The following PCDHGA12 variants were observed in gnomAD, a reference collection of about 807,000 sequenced individuals.
The protein encoded by PCDHGA12 is protocadherin gamma-A12.
A neutral mutation model predicts 61.1 loss-of-function variants in PCDHGA12; 43 were observed. The observed-to-expected ratio is 0.70, with a 90% CI of 0.55 to 0.91. The LOEUF is 0.91. Among genes scored for constraint, PCDHGA12 ranks in the 40% least tolerant of loss-of-function variants. The pLI is 0.00. For missense variants in PCDHGA12, 1,236 were observed against 1,227.7 expected (o/e 1.01, Z -0.10); for synonymous variants, 520 against 542.9 (o/e 0.96, Z 0.59).
intron 1 of PCDHGA12, among the ~76,000 whole-genome samples, chr5:141,469,568 T>C (rs942597017): frequency 6.6e-6 from 1 of 152,184 alleles, no homozygotes. Flanking sequence ...AGTGAGACTC[T>C]GTCTCTAAAT....
At chr5:141,500,182 ATT>A (rs1199992745) in intron 2 of PCDHGA12, among the ~76,000 whole-genome samples, 2 of 131,622 alleles carry the variant, frequency 1.5e-5, no homozygotes, top group African/African-American at 3.1e-5. Flanking sequence ...CTTCATTTTT[ATT>A]TTTATTTATT....
chr5:141,482,288 C>G (rs1413786764), intron 1 of PCDHGA12, among the ~76,000 whole-genome samples: 1 of 152,078 alleles, frequency 6.6e-6, no homozygotes, highest in Non-Finnish European at 1.5e-5. Context: ...GTCTTTTAAT[C>G]TCTTTAAACT....
rs570379716 is a variant in PCDHGA12 at position 141,452,090 on chromosome 5, G to A, written c.2424+18907G>A. Among the ~76,000 whole-genome samples, 3 of 152,256 alleles carry A rather than the reference G, an allele frequency of 2.0e-5. No individual in the cohort carries two copies. The South Asian group carries it at 6.2e-4, about 32-fold the overall frequency. On this transcript the variant is annotated intron_variant, in intron 1 of 3. Coordinates refer to ENST00000252085, the MANE Select transcript of PCDHGA12 (RefSeq NM_003735.3). The stretch of plus-strand genomic sequence containing the variant: ...TTTATTAGTTGGCATTATACAGTAA[G>A]AAAGAGCTTTCTTTTCTCTTCTTAT...
At position 141,477,677 on chromosome 5, in the gene PCDHGA12, TC is replaced by T; in HGVS notation, c.2425-17128del. On this transcript the variant is annotated intron_variant, in intron 1 of 3. Transcript: ENST00000252085. This position sits in a 1 kb window ranked among gnomAD's most constrained non-coding sequence, Gnocchi z 4.9. ...AAATCGTGACAATGGCATAGTGTCA[TC>T]CTTAGTGCCCCTAGACTATGAGGAT... 1 of 1,614,174 alleles carries T rather than the reference TC, an allele frequency of 6.2e-7. No homozygotes were observed. The highest frequency in any genetic ancestry group is 8.5e-7 in the Non-Finnish European group (1 of 1,180,038).
Position 141,512,495 on chromosome 5 carries a change from C to T in PCDHGA12, c.*1322C>T, listed in dbSNP as rs2099884264. 1 of 152,920 alleles carries T rather than the reference C, an allele frequency of 6.5e-6. No homozygotes were observed. The highest frequency in any genetic ancestry group is 1.5e-5 in the Non-Finnish European group (1 of 68,240). The allele number at this position is 152,920 out of a possible 1,614,324, so 9.5% of individuals were successfully genotyped here. A position where few individuals can be genotyped will look rare whatever the true frequency, so the allele number is the denominator to read the frequency against. On this transcript the variant is annotated 3_prime_UTR_variant, in exon 4 of 4. Coordinates refer to ENST00000252085, the MANE Select transcript of PCDHGA12 (RefSeq NM_003735.3). ...TTCCGTGAAGGCCACTGCCCAGGTCCCCAGTGCGCCCCCTAGTGGCCATAG... is the reference window on the plus strand; with the variant it reads ...TTCCGTGAAGGCCACTGCCCAGGTCTCCAGTGCGCCCCCTAGTGGCCATAG...
At chr5:141,450,129 C>T (rs1211301953) in intron 1 of PCDHGA12, among the ~76,000 whole-genome samples, 1 of 151,472 alleles carries the variant, frequency 6.6e-6, no homozygotes, top group African/African-American at 2.4e-5. Context: ...GCCTTAGCCT[C>T]CTGAGTAGCT....
chr5:141,432,717 C>T lies in PCDHGA12; in HGVS notation c.1958C>T (p.Pro653Leu). The change falls in exon 1 of 4, where the codon CCT becomes CTT. Residue 653 changes from proline to leucine, a missense_variant. Pro to Leu is a moderately conservative substitution (Grantham distance 98, BLOSUM62 -3). Transcript: ENST00000252085. The surrounding 1 kb of genome is among the most constrained non-coding windows in gnomAD (Gnocchi z 6.0). ...VVAVQDHGQPPLSATVTLTVA... is the reference protein window; with the variant it reads ...VVAVQDHGQPLLSATVTLTVA... ...GCCGTCCAGGACCACGGCCAGCCCC[C>T]TCTCTCCGCCACTGTCACGCTCACC... 1 of 1,614,030 alleles carries T rather than the reference C, an allele frequency of 6.2e-7. No individual in the cohort carries two copies. Among genetic ancestry groups the T allele is most frequent in the Non-Finnish European group, 8.5e-7 (1 of 1,179,978 alleles).
rs61612330 is a variant in PCDHGA12, at chr5:141,454,796, A to ATTTTTTT, written c.2424+21636_2424+21642dup. On this transcript the variant is annotated intron_variant, in intron 1 of 3. Transcript: ENST00000252085. Reference sequence around the variant, plus strand: ...AAGGAAATAATCCTCCATGGTTCTAATTTTTTTTTTTTTTTTTTTTTTTTT... The same window carrying ATTTTTTT: ...AAGGAAATAATCCTCCATGGTTCTAATTTTTTTTTTTTTTTTTTTTTTTTTTTTTTTT... Among the ~76,000 whole-genome samples the ATTTTTTT allele has an allele frequency of 2.6e-3, 198 of 77,448 alleles. 27 individuals are homozygous for ATTTTTTT. The highest frequency in any genetic ancestry group is 8.4e-3 in the African/African-American group (141 of 16,874). The allele number at this position is 77,448 out of a possible 152,430, so 50.8% of individuals were successfully genotyped here. A position where few individuals can be genotyped will look rare whatever the true frequency, so the allele number is the denominator to read the frequency against.
intron 1 of PCDHGA12, among the ~76,000 whole-genome samples, chr5:141,467,772 C>A (rs972304213): frequency 1.3e-5 from 2 of 151,686 alleles, no homozygotes; most frequent in Admixed American, 6.6e-5. Flanking sequence ...AGTGCCCGCA[C>A]CTCAGCCTCT....
At position 141,494,880 on chromosome 5, in the gene PCDHGA12, C is replaced by G. The variant is rs950094823; in HGVS notation, c.2483+15C>G. On this transcript the variant is annotated intron_variant, in intron 2 of 3. Transcript: ENST00000252085. ...GGCACCAGCGGGTAGGTGACTGATT[C>G]TCCAGCCCACCCTCTTCTCTGCGGC... The G allele has an allele frequency of 3.7e-6, 6 of 1,614,040 alleles. No individual in the cohort carries two copies. The African/African-American group carries it at 6.7e-5, about 18-fold the overall frequency.
At chr5:141,450,556 G>T (rs534127421) in intron 1 of PCDHGA12, among the ~76,000 whole-genome samples, 1 of 151,940 alleles carries the variant, frequency 6.6e-6, no homozygotes, top group African/African-American at 2.4e-5. Flanking sequence ...GCGCAGTCTC[G>T]GCTCACTGCA....
intron 1 of PCDHGA12, among the ~76,000 whole-genome samples, chr5:141,447,984 G>C (rs1300057273): frequency 6.6e-6 from 1 of 151,952 alleles, no homozygotes; most frequent in African/African-American, 2.4e-5. Context: ...TACTCGGGAG[G>C]CTGAGGCATG....
rs2233612 is a variant in PCDHGA12 at position 141,511,014 on chromosome 5, A to G, written c.2640A>G (p.Gly880=). 8.6e-4 allele frequency: 1,386 copies of G among 1,614,082 alleles called. 14 individuals are homozygous for G. The African/African-American group carries it at 0.017, about 20-fold the overall frequency. The change falls in exon 4 of 4, where the codon GGA becomes GGG. Residue 880 remains glycine, a synonymous_variant. Coordinates refer to ENST00000252085, the MANE Select transcript of PCDHGA12 (RefSeq NM_003735.3). ...AGTMGLSARY[G]PQFTLQHVPD... ...CCATGGGATTGAGCGCCCGCTACGG[A>G]CCCCAGTTCACCCTGCAGCACGTGC...
chr5:141,437,800 C>G (rs963856257), intron 1 of PCDHGA12, among the ~76,000 whole-genome samples: 1 of 150,744 alleles, frequency 6.6e-6, no homozygotes, highest in African/African-American at 2.4e-5. Flanking sequence ...TGCAGTGGCA[C>G]TATCTTGGCT....
intron 1 of PCDHGA12, among the ~76,000 whole-genome samples, chr5:141,442,843 G>C (rs1264073611): frequency 2.0e-5 from 3 of 152,134 alleles, no homozygotes; most frequent in African/African-American, 7.2e-5. Flanking sequence ...GACAAATCTT[G>C]GCCATTGTAG....
In PCDHGA12 at chr5:141,494,886, C is replaced by T. The variant is rs1212594477; in HGVS notation, c.2483+21C>T. ...AGCGGGTAGGTGACTGATTCTCCAG[C>T]CCACCCTCTTCTCTGCGGCATTTTC... On this transcript the variant is annotated intron_variant, in intron 2 of 3. Coordinates refer to ENST00000252085, the MANE Select transcript of PCDHGA12 (RefSeq NM_003735.3). 8 of 1,614,010 alleles carry T rather than the reference C, an allele frequency of 5.0e-6. No homozygotes were observed. The Admixed American group carries it at 8.3e-5, about 17-fold the overall frequency.
In PCDHGA12 at chr5:141,489,574, C is replaced by T. The variant is rs963768096; in HGVS notation, c.2425-5233C>T. The T allele has an allele frequency of 2.5e-6, 4 of 1,613,978 alleles. No homozygotes were observed. The highest frequency in any genetic ancestry group is 3.4e-6 in the Non-Finnish European group (4 of 1,180,014). ...GCTGCCAGTGCAGGTGGTGACTGAA[C>T]ACCCCCTGGAGCTAATCCGTGTAGA... On this transcript the variant is annotated intron_variant, in intron 1 of 3. Coordinates refer to ENST00000252085, the MANE Select transcript of PCDHGA12 (RefSeq NM_003735.3). This position sits in a 1 kb window ranked among gnomAD's most constrained non-coding sequence, Gnocchi z 4.5.
At position 141,494,730 on chromosome 5, in the gene PCDHGA12, G is replaced by A. The variant is rs1595262506; in HGVS notation, c.2425-77G>A. 18 of 1,609,816 alleles carry A rather than the reference G, an allele frequency of 1.1e-5. No individual in the cohort carries two copies. In the East Asian group the frequency reaches 4.0e-4, roughly 36 times the overall value. On this transcript the variant is annotated intron_variant, in intron 1 of 3. Coordinates refer to ENST00000252085, the MANE Select transcript of PCDHGA12 (RefSeq NM_003735.3). ...GTGCCCACTCCCCTCCTTCTCTCCC[G>A]GCCCATCCCTAGGGGCTCGGGTGAC...
intron 1 of PCDHGA12, among the ~76,000 whole-genome samples, chr5:141,483,084 C>CA (rs898059463): frequency 8.0e-5 from 12 of 150,326 alleles, no homozygotes; most frequent in Admixed American, 2.0e-4. Context: ...GACTCCATCT[C>CA]AAAAAAAAAG....
Sources: gnomAD v4.1 joint callset for allele counts (sites outside exome capture counted in the v4.1 genomes callset) on GRCh38, gnomAD v4.1.1 for gene constraint, Gnocchi (gnomAD v3.1) non-coding constraint, MANE v1.5 for transcripts, NCBI Gene and HGNC (gene_info 2026-07-23, HGNC 2026-07-21) for gene names.